The following MMP28 variants were observed in gnomAD, a reference collection of about 807,000 sequenced individuals.
MMP28 encodes the protein matrix metallopeptidase 28, also known as matrix metalloproteinase-28.
A neutral mutation model predicts 60.5 loss-of-function variants in MMP28; 55 were observed. The observed-to-expected ratio is 0.91, with a 90% confidence interval of 0.73 to 1.14. The LOEUF is 1.14. Ranked by LOEUF, MMP28 falls within the 50% of genes most tolerant of loss-of-function variation. The pLI, the probability that MMP28 is intolerant of heterozygous loss-of-function variation, is 0.00. For synonymous variants in MMP28, 318 were observed against 312.5 expected (o/e 1.02, Z -0.18); for missense variants, 686 against 738.3 (o/e 0.93, Z 0.82).
At chr17:35,771,292 G>A (rs550660887) in intron 4 of MMP28, among the ~76,000 whole-genome samples, 7 of 151,992 alleles carry the variant, frequency 4.6e-5, no homozygotes, top group South Asian at 4.2e-4. Flanking sequence ...GTAGCCAGGC[G>A]TGGTGGCGGG....
chr17:35,773,067 A>T, intron 4 of MMP28, 113 bp downstream of exon 4: 1 of 878,352 alleles, frequency 1.1e-6, no homozygotes. Flanking sequence ...CTGCAGGGAG[A>T]TGTGCCTCAG....
At chr17:35,770,456 T>C (rs2086097988) in intron 4 of MMP28, 144 bp from the exon 5 acceptor site, 3 of 1,109,084 alleles carry the variant, frequency 2.7e-6, no homozygotes, top group African/African-American at 1.6e-5. Context: ...ACCTGAAGTG[T>C]GCAGAGGTGA....
Position 35,766,472 on chromosome 17 carries a change from C to T in MMP28, c.*28G>A. ...GAACATGATTTTGCCCTGAGAGCACCACCAGTTTCTGAGGTGAGGAGGTGC... is the reference window on the plus strand; with the variant it reads ...GAACATGATTTTGCCCTGAGAGCACTACCAGTTTCTGAGGTGAGGAGGTGC... On this transcript the variant is annotated 3_prime_UTR_variant, in exon 8 of 8. Transcript: ENST00000605424. This position sits in a 1 kb window ranked among gnomAD's most constrained non-coding sequence, Gnocchi z 4.3. 1 of 1,547,286 alleles carries T rather than the reference C, an allele frequency of 6.5e-7. No individual in the cohort carries two copies. The highest frequency in any genetic ancestry group is 8.7e-7 in the Non-Finnish European group (1 of 1,146,172).
intron 1 of MMP28, among the ~76,000 whole-genome samples, chr17:35,792,619 T>C (rs1216416901): frequency 1.3e-5 from 2 of 152,254 alleles, no homozygotes; most frequent in Non-Finnish European, 2.9e-5. Flanking sequence ...GTAACTAAAA[T>C]ACTCTCTTTA....
rs1414405471 is a variant in MMP28 at position 35,768,214 on chromosome 17, AGTGG to A, written c.1000+12_1000+15del. The A allele has an allele frequency of 1.9e-6, 3 of 1,590,678 alleles. No individual in the cohort carries two copies. The East Asian group carries it at 6.7e-5, about 36-fold the overall frequency. On this transcript the variant is annotated intron_variant, in intron 6 of 7. Transcript: ENST00000605424. ...GAAGGAGAGAAAGAAGCAAAGCACC[AGTGG>A]GACCTTCTTACCTACAGTGATGGCA...
At chr17:35,778,708 T>A in intron 3 of MMP28, 180 bp downstream of exon 3, 1 of 1,385,904 alleles carries the variant, frequency 7.2e-7, no homozygotes, top group Non-Finnish European at 9.6e-7. Flanking sequence ...TCATTCTGAA[T>A]TAAATGTCTG....
At chr17:35,769,944 C>A in intron 5 of MMP28, 123 bp downstream of exon 5, 5 of 1,305,700 alleles carry the variant, frequency 3.8e-6, no homozygotes, top group Non-Finnish European at 5.1e-6. Context: ...GACGAATCGG[C>A]GACAGGGAGG....
rs2086214888 is a variant in MMP28, at chr17:35,773,181, T to C, written c.603A>G (p.Pro201=). 1 of 1,613,278 alleles carries C rather than the reference T, an allele frequency of 6.2e-7. No individual in the cohort carries two copies. The highest frequency in any genetic ancestry group is 1.1e-5 in the South Asian group (1 of 91,016). ...GGGAGGGAGGCTTTGTGCCAGCACCTGGGCCATCAAAGGCATTGCCCAGCC... is the reference window on the plus strand; with the variant it reads ...GGGAGGGAGGCTTTGTGCCAGCACCCGGGCCATCAAAGGCATTGCCCAGCC... ...NDGLGNAFDG[P]GGALAHAFLP... The change falls in exon 4 of 8, where the codon CCA becomes CCG. Residue 201 remains proline, a splice_region_variant and synonymous_variant. Coordinates refer to ENST00000605424, the MANE Select transcript of MMP28 (RefSeq NM_024302.5).
chr17:35,793,034 C>T (rs907576029), intron 1 of MMP28, among the ~76,000 whole-genome samples: 2 of 152,146 alleles, frequency 1.3e-5, no homozygotes, highest in African/African-American at 4.8e-5. Flanking sequence ...ATAGACACAT[C>T]CCCAGTTGTG....
Position 35,770,130 on chromosome 17 carries a change from TGTA to T in MMP28, c.784_786del (p.Tyr262del). On this transcript the variant is annotated inframe_deletion, in exon 5 of 8. Coordinates refer to ENST00000605424, the MANE Select transcript of MMP28 (RefSeq NM_024302.5). ...AGCAGCGCGTCGCGGCCCAGCCTCT[TGTA>T]GTAGGGCGCCATGAGCGCGCGCGGC... is the stretch of plus-strand genomic sequence containing the variant. 6.2e-7 allele frequency: 1 copy of T among 1,607,334 alleles called. No homozygotes were observed. The highest frequency in any genetic ancestry group is 8.5e-7 in the Non-Finnish European group (1 of 1,177,664).
intron 3 of MMP28, 135 bp downstream of exon 3, chr17:35,778,753 T>G: frequency 1.3e-6 from 2 of 1,545,592 alleles, no homozygotes; most frequent in Non-Finnish European, 1.7e-6. Context: ...CAAGAGGTCC[T>G]ATTCACCCAC....
chr17:35,764,002 C>T, downstream of MMP28: 4 of 1,533,570 alleles, frequency 2.6e-6, no homozygotes, highest in Non-Finnish European at 3.5e-6. Flanking sequence ...CCTCCCGGCC[C>T]GCAGGTGTGA....
chr17:35,769,216 G>C (rs746548509), intron 5 of MMP28, among the ~76,000 whole-genome samples: 1 of 152,188 alleles, frequency 6.6e-6, no homozygotes, highest in Non-Finnish European at 1.5e-5. Flanking sequence ...ACAAAAAGAT[G>C]CATACTTCAT....
chr17:35,767,897 A>G lies in MMP28; in HGVS notation c.1023T>C (p.Ile341=). ...CCTCCCAGAAATGGCTCCCTTTAAA[A>G]ATGTACAGTTGCTGTTGCCTGTCTG... is the stretch of plus-strand genomic sequence containing the variant. The part of the protein sequence containing the change: ...ITVDRQQQLY[I]FKGSHFWEVA... Residue 341 remains isoleucine (I), a synonymous_variant, in exon 7 of 8, where the codon ATT becomes ATC. Transcript: ENST00000605424. 1.2e-6 allele frequency: 2 copies of G among 1,600,280 alleles called. No homozygotes were observed. Among genetic ancestry groups the G allele is most frequent in the Non-Finnish European group, 1.7e-6 (2 of 1,173,218 alleles).
rs2086075512 is a variant in MMP28 at position 35,770,110 on chromosome 17, C to T, written c.807G>A (p.Ala269=). The T allele has an allele frequency of 6.2e-7, 1 of 1,603,308 alleles. No individual in the cohort carries two copies. Among genetic ancestry groups the T allele is most frequent in the Non-Finnish European group, 8.5e-7 (1 of 1,175,738 alleles). The change falls in exon 5 of 8, where the codon GCG becomes GCA. Residue 269 remains alanine (A), a synonymous_variant. Coordinates refer to ENST00000605424, the MANE Select transcript of MMP28 (RefSeq NM_024302.5). ...CCAGCACGTCGTCCCAGCTGAGCAGCGCGTCGCGGCCCAGCCTCTTGTAGT... is the reference window on the plus strand; with the variant it reads ...CCAGCACGTCGTCCCAGCTGAGCAGTGCGTCGCGGCCCAGCCTCTTGTAGT... The part of the protein sequence containing the change: ...APYYKRLGRD[A]LLSWDDVLAV...
Position 35,779,871 on chromosome 17 carries a change from G to A in MMP28, c.112-548C>T, listed in dbSNP as rs180822116. ...CCATACAGAGTGGCTATTATAATATGTGTTATGCGTTACGTGCATATACAC... is the reference window on the plus strand; with the variant it reads ...CCATACAGAGTGGCTATTATAATATATGTTATGCGTTACGTGCATATACAC... On this transcript the variant is annotated intron_variant, in intron 1 of 7. Coordinates refer to ENST00000605424, the MANE Select transcript of MMP28 (RefSeq NM_024302.5). Among the ~76,000 whole-genome samples, 122 of 152,154 alleles carry A rather than the reference G, an allele frequency of 8.0e-4. 1 individual carries two copies. Among genetic ancestry groups the A allele is most frequent in the African/African-American group, 2.9e-3 (120 of 41,496 alleles).
intron 2 of MMP28, chr17:35,757,218 G>A (rs957372518): frequency 2.0e-5 from 3 of 152,068 alleles, no homozygotes; most frequent in African/African-American, 4.8e-5. Flanking sequence ...AAATGAAATT[G>A]TTTTATAACT....
intron 1 of MMP28, among the ~76,000 whole-genome samples, chr17:35,790,081 T>C (rs1170971483): frequency 1.4e-5 from 2 of 144,576 alleles, no homozygotes; most frequent in African/African-American, 2.6e-5. Context: ...TTTTTTTTTT[T>C]TTTGAGACAG....
chr17:35,768,175 CACTA>C, intron 6 of MMP28, 51 bp downstream of exon 6: 2 of 1,543,868 alleles, frequency 1.3e-6, no homozygotes, highest in Non-Finnish European at 1.7e-6. Context: ...GCTCTGGAGA[CACTA>C]AGAGATATGG....
Sources: allele counts gnomAD v4.1 joint callset (sites outside exome capture counted in the v4.1 genomes callset), GRCh38; gene constraint gnomAD v4.1.1; non-coding constraint Gnocchi (gnomAD v3.1); transcripts MANE v1.5; gene names NCBI Gene and HGNC (gene_info 2026-07-23, HGNC 2026-07-21).